PTPRT: variants seen among roughly 807,000 people sequenced by gnomAD.
The protein encoded by PTPRT is protein tyrosine phosphatase receptor type T.
Under a neutral mutation model 176.8 loss-of-function variants are expected in PTPRT, and 56 were observed. The ratio of observed to expected loss-of-function variants is 0.32; its 90% CI spans 0.26 to 0.40. The LOEUF (loss-of-function observed/expected upper bound fraction) is 0.40. Ranked by LOEUF, PTPRT falls within the 10% of genes least tolerant of loss-of-function variation. The probability of loss-of-function intolerance (pLI) is 1.00; values close to 1 mark genes in which losing one functional copy is unlikely to be tolerated. For synonymous variants in PTPRT, 783 were observed against 739.0 expected (o/e 1.06, Z -0.96); for missense variants, 1,540 against 1,908.2 (o/e 0.81, Z 3.60).
intron 11 of PTPRT, among the ~76,000 whole-genome samples, chr20:42,348,510 A>T (rs1038329305): frequency 3.3e-5 from 5 of 152,052 alleles, no homozygotes; most frequent in African/African-American, 1.2e-4. Flanking sequence ...ACTAAGTTTA[A>T]ATTTTGCCTG....
chr20:42,765,615 A>G (rs185519508), intron 5 of PTPRT, among the ~76,000 whole-genome samples: 36 of 152,210 alleles, frequency 2.4e-4, no homozygotes, highest in Non-Finnish European at 4.6e-4. Flanking sequence ...TTCATAATCT[A>G]TTATTACAAT....
Position 42,300,195 on chromosome 20 carries a change from T to C in PTPRT, c.2139+15528A>G, listed in dbSNP as rs8183968. 6.3e-3 allele frequency among the ~76,000 whole-genome samples: 933 copies of C among 148,764 alleles called. 31 individuals carry two copies. In the East Asian group the frequency reaches 0.082, roughly 13 times the overall value. On this transcript the variant is annotated intron_variant, in intron 12 of 30. Coordinates refer to ENST00000373187, the MANE Select transcript of PTPRT (RefSeq NM_007050.6). Reference sequence around the variant, plus strand: ...ATCACTTGAACCTGGGAGGCAGAGGTTGTAGTGAGCCAAGATCACGCCATT... The same window carrying C: ...ATCACTTGAACCTGGGAGGCAGAGGCTGTAGTGAGCCAAGATCACGCCATT...
At chr20:43,104,515 T>C (rs753035835) in intron 1 of PTPRT, among the ~76,000 whole-genome samples, 4 of 152,150 alleles carry the variant, frequency 2.6e-5, no homozygotes, top group Non-Finnish European at 5.9e-5. Flanking sequence ...AAAACAGAAA[T>C]AACACCTGCC....
intron 6 of PTPRT, among the ~76,000 whole-genome samples, chr20:42,754,855 T>C (rs1196815429): frequency 6.6e-6 from 1 of 152,092 alleles, no homozygotes; most frequent in African/African-American, 2.4e-5. Flanking sequence ...AATGACTGAT[T>C]GTGCAAGTCA....
intron 2 of PTPRT, among the ~76,000 whole-genome samples, chr20:42,839,147 A>G (rs2078233281): frequency 6.6e-6 from 1 of 152,056 alleles, no homozygotes; most frequent in South Asian, 2.1e-4. Flanking sequence ...CTCTTCTTGC[A>G]TACCTCGTAG....
intron 15 of PTPRT, among the ~76,000 whole-genome samples, chr20:42,232,699 A>G (rs1275707028): frequency 6.7e-6 from 1 of 148,184 alleles, no homozygotes; most frequent in Non-Finnish European, 1.5e-5. Flanking sequence ...ATAGCCCCCA[A>G]CTCCAGTATC....
At chr20:43,081,235 T>A (rs1269293995) in intron 1 of PTPRT, among the ~76,000 whole-genome samples, 1 of 152,220 alleles carries the variant, frequency 6.6e-6, no homozygotes, top group Admixed American at 6.5e-5. Context: ...TATATAAAAC[T>A]GCATGGCCCT....
intron 23 of PTPRT, among the ~76,000 whole-genome samples, chr20:42,108,382 A>G (rs997893629): frequency 2.0e-5 from 3 of 151,708 alleles, no homozygotes; most frequent in Non-Finnish European, 2.9e-5. Flanking sequence ...GGGTTTCAAT[A>G]CTCATCTATA....
chr20:42,139,509 C>T (rs1040190417), intron 18 of PTPRT, among the ~76,000 whole-genome samples: 1 of 152,186 alleles, frequency 6.6e-6, no homozygotes, highest in African/African-American at 2.4e-5. Context: ...GTATTCTCAT[C>T]CCTGTGGGAA....
intron 7 of PTPRT, among the ~76,000 whole-genome samples, chr20:42,493,350 G>A (rs186650740): frequency 2.6e-5 from 4 of 152,184 alleles, no homozygotes; most frequent in Middle Eastern, 6.8e-3. Context: ...AAATTTGGAG[G>A]ACTTTGAGGG....
intron 6 of PTPRT, among the ~76,000 whole-genome samples, chr20:42,754,562 C>T (rs1456604072): frequency 2.6e-5 from 4 of 152,184 alleles, no homozygotes; most frequent in South Asian, 2.1e-4. Flanking sequence ...GGATGACAGG[C>T]GTGAGCCACC....
chr20:42,494,056 T>C (rs2071606925), intron 7 of PTPRT, among the ~76,000 whole-genome samples: 1 of 152,118 alleles, frequency 6.6e-6, no homozygotes, highest in Admixed American at 6.6e-5. Context: ...AATATGAAGA[T>C]AGGGGCTTTT....
intron 7 of PTPRT, among the ~76,000 whole-genome samples, chr20:42,658,369 A>G (rs2075163725): frequency 6.6e-6 from 1 of 152,226 alleles, no homozygotes; most frequent in Admixed American, 6.5e-5. Flanking sequence ...TGCAAAGCAC[A>G]TCACAGCCTT....
At chr20:42,757,052 TAAAAAAA>T (rs554308907) in intron 5 of PTPRT, among the ~76,000 whole-genome samples, 1 of 118,608 alleles carries the variant, frequency 8.4e-6, no homozygotes, top group Non-Finnish European at 1.8e-5. Flanking sequence ...CCTGCCTCTT[TAAAAAAA>T]AAAAAAAAAA....
chr20:42,242,615 T>C (rs1467140416), intron 14 of PTPRT, among the ~76,000 whole-genome samples: 1 of 152,086 alleles, frequency 6.6e-6, no homozygotes, highest in African/African-American at 2.4e-5. Flanking sequence ...AACACAGGCA[T>C]TGAAGAAGAA....
At chr20:42,254,982 C>T (rs1280812337) in intron 13 of PTPRT, among the ~76,000 whole-genome samples, 1 of 152,054 alleles carries the variant, frequency 6.6e-6, no homozygotes, top group African/African-American at 2.4e-5. Context: ...CATGAGACTC[C>T]CATGCAGTCC....
intron 1 of PTPRT, among the ~76,000 whole-genome samples, chr20:42,939,635 G>C (rs1980417392): frequency 6.6e-6 from 1 of 152,090 alleles, no homozygotes; most frequent in Admixed American, 6.5e-5. Flanking sequence ...CTAGTTTCAA[G>C]TTCAGGTTCT....
intron 13 of PTPRT, among the ~76,000 whole-genome samples, chr20:42,251,492 G>C (rs1427955874): frequency 6.6e-6 from 1 of 152,046 alleles, no homozygotes; most frequent in South Asian, 2.1e-4. Context: ...ATCAGTAATA[G>C]CAAACTTGAA....
At chr20:42,676,927 G>C (rs1009330404) in intron 7 of PTPRT, among the ~76,000 whole-genome samples, 3 of 152,118 alleles carry the variant, frequency 2.0e-5, no homozygotes, top group Admixed American at 2.0e-4. Flanking sequence ...TGGATCCAGA[G>C]AATCTCTCCC....
Sources: allele counts gnomAD v4.1 joint callset (sites outside exome capture counted in the v4.1 genomes callset), GRCh38; gene constraint gnomAD v4.1.1; transcripts MANE v1.5; gene names NCBI Gene and HGNC (gene_info 2026-07-23, HGNC 2026-07-21).